The following SEC63 variants were observed in gnomAD, a reference collection of about 807,000 sequenced individuals.
SEC63 encodes SEC63 protein translocation regulator.
SEC63 carries 56 observed loss-of-function variants against 116.2 expected under a neutral mutation model. That is an observed-to-expected ratio of 0.48 (90% confidence interval 0.39 to 0.60). The LOEUF (loss-of-function observed/expected upper bound fraction) is 0.60. Ranked by LOEUF, SEC63 falls within the 20% of genes least tolerant of loss-of-function variation. SEC63 has a pLI of 0.00. For synonymous variants in SEC63, 273 were observed against 294.6 expected (o/e 0.93, Z 0.75); for missense variants, 668 against 900.0 (o/e 0.74, Z 3.30).
At position 107,906,688 on chromosome 6, in the gene SEC63, G is replaced by A; in HGVS notation, c.823C>T (p.Pro275Ser). 6.2e-7 allele frequency: 1 copy of A among 1,612,862 alleles called. No individual in the cohort carries two copies. The highest frequency in any genetic ancestry group is 8.5e-7 in the Non-Finnish European group (1 of 1,178,948). ...ATTTGGGAAATTAGCCTAACCTGTGGTATTAGAATATTATCCGTTGGTCTG... is the reference window on the plus strand; with the variant it reads ...ATTTGGGAAATTAGCCTAACCTGTGATATTAGAATATTATCCGTTGGTCTG... ...TSRPTDNILI[P>S]QLIREIGSIN... The change falls in exon 9 of 21, where the codon CCA becomes TCA. Residue 275 changes from proline (P) to serine (S), a missense_variant. Pro to Ser is a moderately conservative substitution (Grantham distance 74). This residue lies in a region of SEC63 where 430 missense variants were observed against 557.5 expected (regional missense o/e 0.77). Transcript: ENST00000369002.
At chr6:107,911,520 T>A in intron 6 of SEC63, 124 bp from the exon 7 acceptor site, 1 of 718,690 alleles carries the variant, frequency 1.4e-6, no homozygotes, top group South Asian at 1.6e-5. Context: ...TATTATCTTG[T>A]TTAATCCTTA....
Position 107,921,785 on chromosome 6 carries a change from C to T in SEC63, c.452+12G>A, listed in dbSNP as rs886910273. On this transcript the variant is annotated intron_variant, in intron 4 of 20. Coordinates refer to ENST00000369002, the MANE Select transcript of SEC63 (RefSeq NM_007214.5). ...CCATTCTTAAAAATTTGTAATGGAT[C>T]CTGATACTTACGCAGCATAAGCTTT... 1.3e-6 allele frequency: 2 copies of T among 1,515,978 alleles called. No individual in the cohort carries two copies. Among genetic ancestry groups the T allele is most frequent in the Non-Finnish European group, 9.2e-7 (1 of 1,090,782 alleles). 93.9% of individuals were successfully genotyped at this position (1,515,978 alleles called of 1,614,324 possible). A position where few individuals can be genotyped will look rare whatever the true frequency, so the allele number is the denominator to read the frequency against.
chr6:107,906,130 T>C (rs1787143297), intron 10 of SEC63, among the ~76,000 whole-genome samples: 1 of 152,164 alleles, frequency 6.6e-6, no homozygotes, highest in African/African-American at 2.4e-5. Flanking sequence ...TCACAAGACC[T>C]GGTTGTTTAA....
intron 17 of SEC63, 152 bp downstream of exon 17, chr6:107,882,836 G>T: frequency 1.8e-6 from 1 of 555,712 alleles, no homozygotes; most frequent in South Asian, 2.5e-5. Flanking sequence ...CCTTAAAAAC[G>T]TTCTTCAAAG....
chr6:107,900,192 G>T (rs1786967992), intron 13 of SEC63, among the ~76,000 whole-genome samples: 1 of 151,872 alleles, frequency 6.6e-6, no homozygotes, highest in African/African-American at 2.4e-5. Flanking sequence ...TAAAGACAGG[G>T]TCTCACTATG....
chr6:107,950,510 A>T (rs542046595), intron 1 of SEC63, among the ~76,000 whole-genome samples: 1 of 152,238 alleles, frequency 6.6e-6, no homozygotes, highest in Non-Finnish European at 1.5e-5. Flanking sequence ...AGGATAGACT[A>T]TATGTTAAGC....
At chr6:107,921,319 T>G (rs894480149) in intron 4 of SEC63, among the ~76,000 whole-genome samples, 1 of 152,130 alleles carries the variant, frequency 6.6e-6, no homozygotes, top group Non-Finnish European at 1.5e-5. Flanking sequence ...ATGGCAAAAA[T>G]TACAGTTTAA....
chr6:107,914,456 G>T (rs1484018313), intron 4 of SEC63, among the ~76,000 whole-genome samples: 2 of 151,876 alleles, frequency 1.3e-5, no homozygotes, highest in Non-Finnish European at 2.9e-5. Flanking sequence ...TAGCAAAAAG[G>T]ACATTCATTA....
intron 11 of SEC63, among the ~76,000 whole-genome samples, chr6:107,903,208 TAA>T (rs1393441749): frequency 6.6e-6 from 1 of 152,124 alleles, no homozygotes; most frequent in African/African-American, 2.4e-5. Context: ...ACCATTGATT[TAA>T]AAGAAAAATT....
intron 1 of SEC63, among the ~76,000 whole-genome samples, chr6:107,937,371 CT>C (rs755597282): frequency 4.6e-5 from 7 of 152,062 alleles, no homozygotes; most frequent in African/African-American, 7.2e-5. Flanking sequence ...GGTGATCCAC[CT>C]GCCTCGGCCT....
At chr6:107,957,857 G>A (rs1329010873) in intron 1 of SEC63, 29 bp downstream of exon 1, 1 of 1,598,808 alleles carries the variant, frequency 6.3e-7, no homozygotes, top group Non-Finnish European at 8.5e-7. Flanking sequence ...GCCTGCGCGG[G>A]TTCGCGGGCA....
intron 1 of SEC63, among the ~76,000 whole-genome samples, chr6:107,935,183 C>T (rs568650477): frequency 6.6e-5 from 10 of 151,224 alleles, no homozygotes; most frequent in Admixed American, 2.0e-4. Flanking sequence ...GGTCAGCCCC[C>T]CGCCCGGCCA....
intron 1 of SEC63, among the ~76,000 whole-genome samples, chr6:107,939,645 G>C (rs1442707779): frequency 6.6e-6 from 1 of 152,098 alleles, no homozygotes; most frequent in Non-Finnish European, 1.5e-5. Context: ...TGGGGATGCT[G>C]AAGCAGGAGA....
intron 4 of SEC63, among the ~76,000 whole-genome samples, chr6:107,917,729 A>G (rs1164927207): frequency 6.6e-6 from 1 of 152,326 alleles, no homozygotes; most frequent in Non-Finnish European, 1.5e-5. Context: ...CCTTAAACCA[A>G]AGCCTAATCC....
intron 1 of SEC63, among the ~76,000 whole-genome samples, chr6:107,937,361 G>T (rs1422315895): frequency 6.6e-6 from 1 of 151,876 alleles, no homozygotes; most frequent in East Asian, 1.9e-4. Context: ...CCTGACCTCA[G>T]GTGATCCACC....
intron 16 of SEC63, 41 bp from the exon 17 acceptor site, chr6:107,883,187 A>G (rs755963913): frequency 8.1e-6 from 13 of 1,606,630 alleles, no homozygotes; most frequent in Admixed American, 3.3e-5. Flanking sequence ...GCATATCTCA[A>G]TGAGAACATA....
rs749125299 is a variant in SEC63 at position 107,876,670 on chromosome 6, CAA to C, written c.1936-10_1936-9del. On this transcript the variant is annotated splice_polypyrimidine_tract_variant and intron_variant, in intron 18 of 20. Coordinates refer to ENST00000369002, the MANE Select transcript of SEC63 (RefSeq NM_007214.5). Reference sequence around the variant, plus strand: ...CCACCATTCTTGTTTTTCCTGGAAACAAAAAAAAAAAAAAAAAAAGAAGAGGG... The same window carrying C: ...CCACCATTCTTGTTTTTCCTGGAAACAAAAAAAAAAAAAAAAAGAAGAGGG... 10,276 of 747,672 alleles carry C rather than the reference CAA, an allele frequency of 0.014. No individual in the cohort carries two copies. The highest frequency in any genetic ancestry group is 0.027 in the East Asian group (835 of 31,434). The allele number at this position is 747,672 out of a possible 1,614,324, so 46.3% of individuals were successfully genotyped here.
Position 107,901,624 on chromosome 6 carries a change from A to G in SEC63, c.1210-107T>C. On this transcript the variant is annotated intron_variant, in intron 12 of 20. Coordinates refer to ENST00000369002, the MANE Select transcript of SEC63 (RefSeq NM_007214.5). ...CACAACAAAATCCAGCAACTTTTAG[A>G]AAAGTGTTGATTAATGTGCATTTCA... is the stretch of plus-strand genomic sequence containing the variant. 6.4e-6 allele frequency: 5 copies of G among 776,048 alleles called. No homozygotes were observed. The South Asian group carries it at 9.0e-5, about 14-fold the overall frequency. The allele number at this position is 776,048 out of a possible 1,614,324, so 48.1% of individuals were successfully genotyped here. A position where few individuals can be genotyped will look rare whatever the true frequency, so the allele number is the denominator to read the frequency against.
chr6:107,950,880 T>TGCTTTTGC (rs1770566837), intron 1 of SEC63, among the ~76,000 whole-genome samples: 1 of 152,366 alleles, frequency 6.6e-6, no homozygotes, highest in African/African-American at 2.4e-5. Context: ...AATAAAAGCA[T>TGCTTTTGC]GCTTTTGATT....
Sources: gnomAD v4.1 joint callset for allele counts (sites outside exome capture counted in the v4.1 genomes callset) on GRCh38, gnomAD v4.1.1 for gene constraint, gnomAD v4.1.1 regional missense constraint, MANE v1.5 for transcripts, NCBI Gene and HGNC (gene_info 2026-07-23, HGNC 2026-07-21) for gene names.